Variants in MTHFD2L observed in about 807,000 individuals in gnomAD.
The protein encoded by MTHFD2L is methylenetetrahydrofolate dehydrogenase (NADP+ dependent) 2 like, also known as bifunctional methylenetetrahydrofolate dehydrogenase/cyclohydrolase 2, mitochondrial.
In MTHFD2L, 29 loss-of-function variants were observed where a neutral mutation model predicts 34.9. The ratio of observed to expected loss-of-function variants is 0.83; its 90% CI spans 0.62 to 1.13. The LOEUF (loss-of-function observed/expected upper bound fraction) is 1.13, where lower values mean the gene tolerates loss of function less well. MTHFD2L is among the 50% of genes most tolerant of loss of function. The probability of loss-of-function intolerance (pLI) is 0.00; values close to 1 mark genes in which losing one functional copy is unlikely to be tolerated. For synonymous variants in MTHFD2L, 167 were observed against 155.7 expected (o/e 1.07, Z -0.54); for missense variants, 481 against 446.5 (o/e 1.08, Z -0.70).
At position 74,199,939 on chromosome 4, in the gene MTHFD2L, A is replaced by C. The variant is rs760010768; in HGVS notation, c.597A>C (p.Lys199Asn). The C allele has an allele frequency of 2.5e-6, 4 of 1,613,998 alleles. No individual in the cohort carries two copies. Among genetic ancestry groups the C allele is most frequent in the Non-Finnish European group, 2.5e-6 (3 of 1,179,952 alleles). The change falls in exon 4 of 8, where the codon AAA (lysine) becomes AAC (asparagine). Residue 199 changes from lysine to asparagine, a missense_variant. Lys to Asn is a moderately conservative substitution (Grantham distance 94, BLOSUM62 0). Transcript: ENST00000325278. Reference sequence around the variant, plus strand: ...CCAGTGCTGTTTGGGAAATAATAAAAAGAACAGGTTGGTAATTTGTGGTCT... The same window carrying C: ...CCAGTGCTGTTTGGGAAATAATAAACAGAACAGGTTGGTAATTTGTGGTCT... ...ATASAVWEII[K>N]RTGIQTFGKN...
intron 3 of MTHFD2L, among the ~76,000 whole-genome samples, chr4:74,198,841 A>G (rs1733925824): frequency 6.7e-6 from 1 of 148,350 alleles, no homozygotes; most frequent in Non-Finnish European, 1.5e-5. Context: ...TATATATTTC[A>G]AGGACTTTTG....
intron 6 of MTHFD2L, among the ~76,000 whole-genome samples, chr4:74,239,818 TTGAG>T (rs750788076): frequency 4.6e-5 from 7 of 152,220 alleles, no homozygotes; most frequent in Non-Finnish European, 7.3e-5. Context: ...AATGTTTTTG[TTGAG>T]TTTCTATTAT....
At chr4:74,272,063 A>G (rs1746069138) in intron 6 of MTHFD2L, among the ~76,000 whole-genome samples, 1 of 152,216 alleles carries the variant, frequency 6.6e-6, no homozygotes, top group Non-Finnish European at 1.5e-5. Flanking sequence ...TCGCTTTGAT[A>G]TCTTCAATTT....
At chr4:74,122,766 AC>A (rs1339467016), upstream of MTHFD2L, among the ~76,000 whole-genome samples, 2 of 152,174 alleles carry the variant, frequency 1.3e-5, no homozygotes, top group Non-Finnish European at 2.9e-5. Context: ...CCATTTATCC[AC>A]CCATAACGGT....
intron 3 of MTHFD2L, among the ~76,000 whole-genome samples, chr4:74,189,533 A>G (rs1269516368): frequency 1.5e-5 from 2 of 136,380 alleles, no homozygotes; most frequent in Non-Finnish European, 3.0e-5. Flanking sequence ...TTTACACTGG[A>G]AGGTGAGTAA....
chr4:74,162,901 T>A (rs1036899237), intron 1 of MTHFD2L, among the ~76,000 whole-genome samples: 5 of 152,218 alleles, frequency 3.3e-5, no homozygotes, highest in African/African-American at 1.2e-4. Context: ...CATTTATTAA[T>A]ATTAAATCTC....
rs1723340333 is a variant in MTHFD2L, at chr4:74,142,552, C to T, written c.-297+17035C>T. Among the ~76,000 whole-genome samples the T allele has an allele frequency of 2.0e-5, 3 of 152,308 alleles. No individual in the cohort carries two copies. In the South Asian group the frequency reaches 6.2e-4, roughly 32 times the overall value. On this transcript the variant is annotated intron_variant, in intron 1 of 7. Transcript: ENST00000433372. ...CCTTTATAACTGTGAGAAATAAATG[C>T]TTGTTATTTAAGCCACCCAGTCTGT...
chr4:74,252,442 C>T (rs1743455176), intron 6 of MTHFD2L, among the ~76,000 whole-genome samples: 1 of 151,432 alleles, frequency 6.6e-6, no homozygotes, highest in South Asian at 2.1e-4. Context: ...GGAAAATAGG[C>T]ATACAAGTGC....
intron 1 of MTHFD2L, among the ~76,000 whole-genome samples, chr4:74,163,264 A>T (rs550234683): frequency 1.1e-4 from 16 of 152,116 alleles, no homozygotes; most frequent in Admixed American, 2.6e-4. Flanking sequence ...TAATACTTTT[A>T]AAAAAAAGCA....
chr4:74,264,932 T>G (rs1745103471), intron 6 of MTHFD2L, among the ~76,000 whole-genome samples: 1 of 152,210 alleles, frequency 6.6e-6, no homozygotes, highest in South Asian at 2.1e-4. Flanking sequence ...ACCTTCCATA[T>G]TATCACATGT....
intron 3 of MTHFD2L, among the ~76,000 whole-genome samples, chr4:74,175,769 G>C (rs1008180814): frequency 5.9e-5 from 9 of 151,918 alleles, no homozygotes; most frequent in African/African-American, 2.2e-4. Context: ...CTCCTACTGT[G>C]GTTCATAAAT....
intron 7 of MTHFD2L, among the ~76,000 whole-genome samples, chr4:74,289,451 A>G (rs1318307225): frequency 1.3e-5 from 2 of 152,204 alleles, no homozygotes; most frequent in African/African-American, 4.8e-5. Flanking sequence ...ATAAAGTCAA[A>G]GAGGTAGCAG....
intron 4 of MTHFD2L, 62 bp downstream of exon 4, chr4:74,200,008 G>T: frequency 6.6e-7 from 1 of 1,507,640 alleles, no homozygotes; most frequent in South Asian, 1.2e-5. Flanking sequence ...TTTGTGCACT[G>T]AGACTTGATG....
chr4:74,233,421 A>G (rs1740381519), intron 6 of MTHFD2L, among the ~76,000 whole-genome samples: 1 of 152,146 alleles, frequency 6.6e-6, no homozygotes, highest in Admixed American at 6.6e-5. Flanking sequence ...CAGCTATCGC[A>G]AAATGGAGGT....
chr4:74,122,905 C>T (rs1477116891), upstream of MTHFD2L, among the ~76,000 whole-genome samples: 1 of 152,042 alleles, frequency 6.6e-6, no homozygotes, highest in East Asian at 1.9e-4. Context: ...TTTTCTTGTT[C>T]TTAGGAAATA....
At chr4:74,264,467 G>A (rs532519324) in intron 6 of MTHFD2L, among the ~76,000 whole-genome samples, 14 of 151,244 alleles carry the variant, frequency 9.3e-5, no homozygotes, top group Admixed American at 7.3e-4. Flanking sequence ...TCCCTTATTC[G>A]ATTACCATGC....
At chr4:74,134,957 T>C (rs1445544104) in intron 1 of MTHFD2L, among the ~76,000 whole-genome samples, 14 of 152,054 alleles carry the variant, frequency 9.2e-5, no homozygotes, top group Admixed American at 9.2e-4. Context: ...GAAGGCCACT[T>C]ACAAGATATA....
chr4:74,154,520 C>T (rs1483064580), upstream of MTHFD2L, among the ~76,000 whole-genome samples: 1 of 151,904 alleles, frequency 6.6e-6, no homozygotes, highest in African/African-American at 2.4e-5. Flanking sequence ...TAATTTTATA[C>T]TTCGGGTTAT....
At chr4:74,258,499 A>AT (rs1274229248) in intron 6 of MTHFD2L, among the ~76,000 whole-genome samples, 1 of 152,138 alleles carries the variant, frequency 6.6e-6, no homozygotes, top group African/African-American at 2.4e-5. Flanking sequence ...AAGATTGAAA[A>AT]TACGGTATTC....
Sources: allele counts gnomAD v4.1 joint callset (sites outside exome capture counted in the v4.1 genomes callset), GRCh38; gene constraint gnomAD v4.1.1; transcripts MANE v1.5; gene names NCBI Gene and HGNC (gene_info 2026-07-23, HGNC 2026-07-21).